The following CSMD1 variants were observed in gnomAD, a reference collection of about 807,000 sequenced individuals.
The protein encoded by CSMD1 is CUB and Sushi multiple domains 1.
CSMD1 carries 213 observed loss-of-function variants against 417.5 expected under a neutral mutation model. The ratio of observed to expected loss-of-function variants is 0.51; its 90% CI spans 0.46 to 0.57. CSMD1 has a LOEUF of 0.57. Among genes scored for constraint, CSMD1 ranks in the 20% least tolerant of loss-of-function variants. The pLI is 0.00. For missense variants in CSMD1, 6,923 were observed against 4,529.7 expected, an observed-to-expected ratio of 1.53 and a Z score of -15.17; for synonymous variants, 2,862 against 1,736.8, an observed-to-expected ratio of 1.65 and a Z score of -16.11.
intron 7 of CSMD1, among the ~76,000 whole-genome samples, chr8:3,629,883 C>G (rs1239106527): frequency 6.6e-6 from 1 of 152,168 alleles, no homozygotes; most frequent in Admixed American, 6.5e-5. Flanking sequence ...GAAATCGTGC[C>G]TTTTCACTTA....
intron 2 of CSMD1, among the ~76,000 whole-genome samples, chr8:4,573,771 C>T (rs1357485520): frequency 6.6e-6 from 1 of 152,212 alleles, no homozygotes; most frequent in African/African-American, 2.4e-5. Flanking sequence ...GGAATTTTAT[C>T]TATGAGCCGC....
At chr8:4,753,830 T>A (rs1811498166) in intron 1 of CSMD1, among the ~76,000 whole-genome samples, 1 of 152,230 alleles carries the variant, frequency 6.6e-6, no homozygotes, top group Admixed American at 6.5e-5. Context: ...ATCCTGTTAT[T>A]ATTTCGCACT....
At chr8:4,821,912 G>T (rs1214565670) in intron 1 of CSMD1, among the ~76,000 whole-genome samples, 1 of 151,940 alleles carries the variant, frequency 6.6e-6, no homozygotes, top group Non-Finnish European at 1.5e-5. Flanking sequence ...AATCACATTT[G>T]CTTGCCTGCT....
At position 2,936,008 on chromosome 8, in the gene CSMD1, C is replaced by T. The variant is rs1801433616; in HGVS notation, c.*2577G>A. ...TCTTCTAGACCTAACTCAGCAAGCA[C>T]AGCTCCTGACTGCCCTAAAATGAGA... On this transcript the variant is annotated 3_prime_UTR_variant, in exon 70 of 70. Coordinates refer to ENST00000635120, the MANE Select transcript of CSMD1 (RefSeq NM_033225.6). 1 of 152,234 alleles carries T rather than the reference C, an allele frequency of 6.6e-6. No individual in the cohort carries two copies. The highest frequency in any genetic ancestry group is 2.4e-5 in the African/African-American group (1 of 41,472). The allele number at this position is 152,234 out of a possible 1,614,324, so 9.4% of individuals were successfully genotyped here. A position where few individuals can be genotyped will look rare whatever the true frequency, so the allele number is the denominator to read the frequency against.
At chr8:3,969,648 A>C (rs1812941277) in intron 5 of CSMD1, among the ~76,000 whole-genome samples, 1 of 152,252 alleles carries the variant, frequency 6.6e-6, no homozygotes. Flanking sequence ...TACCACATTT[A>C]AAAAGTGTAA....
chr8:3,970,512 GA>G (rs1813005996), intron 5 of CSMD1, among the ~76,000 whole-genome samples: 1 of 152,108 alleles, frequency 6.6e-6, no homozygotes, highest in African/African-American at 2.4e-5. Context: ...TGGTTTTAAG[GA>G]CTCCAGGAGG....
At chr8:4,630,619 C>G (rs991521445) in intron 2 of CSMD1, among the ~76,000 whole-genome samples, 1 of 152,126 alleles carries the variant, frequency 6.6e-6, no homozygotes, top group African/African-American at 2.4e-5. Context: ...ATTTCATCAT[C>G]CTAAAATCTG....
chr8:4,885,162 G>A (rs73659222), intron 1 of CSMD1, among the ~76,000 whole-genome samples: 1 of 151,954 alleles, frequency 6.6e-6, no homozygotes, highest in Non-Finnish European at 1.5e-5. Flanking sequence ...AATTACAATT[G>A]ATTTGTCTAC....
chr8:3,834,223 G>C (rs1802539089), intron 5 of CSMD1, among the ~76,000 whole-genome samples: 1 of 151,746 alleles, frequency 6.6e-6, no homozygotes, highest in Non-Finnish European at 1.5e-5. Context: ...ATTTTGTAAA[G>C]AATTGCTCCT....
rs113305269 is a variant in CSMD1, at chr8:3,541,647, A to G, written c.1344+33298T>C. Among the ~76,000 whole-genome samples the G allele has an allele frequency of 5.6e-3, 837 of 149,922 alleles. 10 individuals carry two copies. The highest frequency in any genetic ancestry group is 0.019 in the African/African-American group (796 of 41,142). On this transcript the variant is annotated intron_variant, in intron 10 of 69. Transcript: ENST00000635120. ...ACAGGTAGACGTTCTTCACTAATCAAATTAATCAAAATATTTTATTTGGAC... is the reference window on the plus strand; with the variant it reads ...ACAGGTAGACGTTCTTCACTAATCAGATTAATCAAAATATTTTATTTGGAC...
chr8:4,644,515 T>C (rs1585382608), intron 1 of CSMD1, among the ~76,000 whole-genome samples: 1 of 152,078 alleles, frequency 6.6e-6, no homozygotes. Context: ...CAAGTGATCC[T>C]CCCGCCTCAA....
At chr8:4,551,247 C>T (rs1184906283) in intron 2 of CSMD1, among the ~76,000 whole-genome samples, 1 of 148,962 alleles carries the variant, frequency 6.7e-6, no homozygotes, top group African/African-American at 2.4e-5. Context: ...AATGCAGAGG[C>T]AGGCTATCTT....
chr8:4,145,813 A>G (rs1453765307), intron 3 of CSMD1, among the ~76,000 whole-genome samples: 1 of 151,256 alleles, frequency 6.6e-6, no homozygotes. Flanking sequence ...TGAGGAATGC[A>G]AGGGTTGGAA....
intron 1 of CSMD1, among the ~76,000 whole-genome samples, chr8:4,664,263 A>G (rs770224922): frequency 2.6e-5 from 4 of 152,204 alleles, no homozygotes; most frequent in Non-Finnish European, 5.9e-5. Context: ...GTGACTAGTA[A>G]GAAGAGATTT....
intron 1 of CSMD1, among the ~76,000 whole-genome samples, chr8:4,789,925 G>A (rs919966221): frequency 5.9e-5 from 9 of 152,116 alleles, no homozygotes; most frequent in African/African-American, 2.2e-4. Context: ...GATCTGTTCT[G>A]CCAGAGAAAA....
In CSMD1 at chr8:3,991,281, G is replaced by T. The variant is rs77134483; in HGVS notation, c.818+6622C>A. Among the ~76,000 whole-genome samples, 1,012 of 152,290 alleles carry T rather than the reference G, an allele frequency of 6.6e-3. 14 individuals are homozygous for T. Among genetic ancestry groups the T allele is most frequent in the African/African-American group, 0.023 (976 of 41,560 alleles). ...AATTAGCTGGTATTGAAAGAAGTTC[G>T]CATTATTTGCCTATTGAGTTTCAGG... On this transcript the variant is annotated intron_variant, in intron 5 of 69. Coordinates refer to ENST00000635120, the MANE Select transcript of CSMD1 (RefSeq NM_033225.6).
chr8:4,288,380 T>C (rs908547354), intron 3 of CSMD1, among the ~76,000 whole-genome samples: 22 of 152,186 alleles, frequency 1.4e-4, no homozygotes, highest in African/African-American at 4.8e-4. Flanking sequence ...AGAGGCTATC[T>C]TACAAGAATG....
chr8:4,806,252 A>T (rs1186087687), intron 1 of CSMD1, among the ~76,000 whole-genome samples: 1 of 152,210 alleles, frequency 6.6e-6, no homozygotes, highest in Non-Finnish European at 1.5e-5. Flanking sequence ...AGGATCATGC[A>T]GTGTGCACAT....
chr8:3,500,774 C>G (rs1392830553), intron 10 of CSMD1, among the ~76,000 whole-genome samples: 1 of 152,108 alleles, frequency 6.6e-6, no homozygotes, highest in Non-Finnish European at 1.5e-5. Flanking sequence ...CAAGAAAGAA[C>G]AGCAGAGTTG....
Sources: gnomAD v4.1 joint callset for allele counts (sites outside exome capture counted in the v4.1 genomes callset) on GRCh38, gnomAD v4.1.1 for gene constraint, MANE v1.5 for transcripts, NCBI Gene and HGNC (gene_info 2026-07-23, HGNC 2026-07-21) for gene names.